Variants in RBFOX1 observed in about 807,000 individuals in gnomAD.
The protein encoded by RBFOX1 is RNA binding fox-1 homolog 1.
Under a neutral mutation model 57.7 loss-of-function variants are expected in RBFOX1, and 8 were observed. That is an observed-to-expected ratio of 0.14 (90% CI 0.08 to 0.25). The LOEUF is 0.25. Among genes scored for constraint, RBFOX1 ranks in the 10% least tolerant of loss-of-function variants. The pLI, the probability that RBFOX1 is intolerant of heterozygous loss-of-function variation, is 1.00. For synonymous variants in RBFOX1, 326 were observed against 222.4 expected, an observed-to-expected ratio of 1.47 and a Z score of -4.15; for missense variants, 611 against 548.5, an observed-to-expected ratio of 1.11 and a Z score of -1.14.
At chr16:6,431,262 A>G (rs961703897) in intron 2 of RBFOX1, among the ~76,000 whole-genome samples, 4 of 152,096 alleles carry the variant, frequency 2.6e-5, no homozygotes, top group Non-Finnish European at 4.4e-5. Flanking sequence ...GAGGGAGAAT[A>G]GAGGATCCTA....
intron 3 of RBFOX1, among the ~76,000 whole-genome samples, chr16:6,909,070 T>G (rs1481900260): frequency 6.6e-6 from 1 of 152,222 alleles, no homozygotes; most frequent in Non-Finnish European, 1.5e-5. Context: ...AGGTGTAATT[T>G]AAAACAACAC....
intron 3 of RBFOX1, among the ~76,000 whole-genome samples, chr16:6,728,218 G>C (rs983083163): frequency 2.0e-4 from 30 of 152,312 alleles, no homozygotes; most frequent in African/African-American, 7.2e-4. Context: ...ATCACCTTAA[G>C]TGAAGCTTCT....
chr16:7,381,693 A>T (rs2097784398), intron 4 of RBFOX1, among the ~76,000 whole-genome samples: 1 of 151,858 alleles, frequency 6.6e-6, no homozygotes, highest in Non-Finnish European at 1.5e-5. Flanking sequence ...CACCGTATGG[A>T]TTTGGGATTT....
chr16:6,341,140 C>T (rs2084507735), intron 2 of RBFOX1, among the ~76,000 whole-genome samples: 2 of 152,124 alleles, frequency 1.3e-5, no homozygotes, highest in Non-Finnish European at 2.9e-5. Flanking sequence ...AGTTAAAAGT[C>T]TAACATGGGT....
intron 4 of RBFOX1, among the ~76,000 whole-genome samples, chr16:5,890,077 C>G (rs951006830): frequency 2.2e-4 from 34 of 152,152 alleles, no homozygotes; most frequent in African/African-American, 7.7e-4. Context: ...TCACCACGAA[C>G]AGACTGCCAG....
rs113266044 is a variant in RBFOX1, at chr16:6,165,269, C to T, written c.-127+145277C>T. 3.4e-3 allele frequency among the ~76,000 whole-genome samples: 513 copies of T among 152,244 alleles called. 3 individuals are homozygous for T. The highest frequency in any genetic ancestry group is 0.012 in the African/African-American group (503 of 41,560). On this transcript the variant is annotated intron_variant, in intron 1 of 15. Transcript: ENST00000550418. ...AGCAAGTGCTTAATAAATGACAGCT[C>T]ATTATCATTATTGTTTTTATATTTA...
chr16:6,880,820 A>G (rs764341931), intron 3 of RBFOX1, among the ~76,000 whole-genome samples: 15 of 152,224 alleles, frequency 9.9e-5, no homozygotes, highest in African/African-American at 2.9e-4. Flanking sequence ...GAATAAATCA[A>G]TATATAAATG....
In RBFOX1 at chr16:6,904,201, A is replaced by G. The variant is rs185779498; in HGVS notation, c.-15-147856A>G. Among the ~76,000 whole-genome samples the G allele has an allele frequency of 7.9e-5, 12 of 152,340 alleles. No homozygotes were observed. The East Asian group carries it at 1.9e-3, about 25-fold the overall frequency. On this transcript the variant is annotated intron_variant, in intron 3 of 15. Coordinates refer to ENST00000550418, the MANE Select transcript of RBFOX1 (RefSeq NM_018723.4). ...GTGTATGTAAACACCATCTTAACAC[A>G]TTGCATGCACTTTTGATGCACATGT...
intron 1 of RBFOX1, among the ~76,000 whole-genome samples, chr16:5,374,788 A>G (rs190108889): frequency 2.0e-5 from 3 of 151,876 alleles, no homozygotes. Flanking sequence ...AAAACGATAT[A>G]ATATTCACAT....
intron 5 of RBFOX1, among the ~76,000 whole-genome samples, chr16:7,559,664 A>C (rs780382387): frequency 6.6e-6 from 1 of 152,172 alleles, no homozygotes; most frequent in African/African-American, 2.4e-5. Flanking sequence ...GGTAATTAAG[A>C]ATGAATTTTC....
intron 4 of RBFOX1, among the ~76,000 whole-genome samples, chr16:5,904,685 A>G (rs2058401665): frequency 6.6e-6 from 1 of 152,044 alleles, no homozygotes; most frequent in Non-Finnish European, 1.5e-5. Flanking sequence ...TCTTGAAGAG[A>G]TAATCAGATG....
At chr16:6,925,881 C>G (rs185830248) in intron 3 of RBFOX1, among the ~76,000 whole-genome samples, 2 of 152,178 alleles carry the variant, frequency 1.3e-5, no homozygotes, top group Non-Finnish European at 2.9e-5. Flanking sequence ...TTACATTTCT[C>G]TATGTAATTT....
chr16:6,077,754 T>C lies in RBFOX1; in HGVS notation c.-127+57762T>C, dbSNP rs144987680. Among the ~76,000 whole-genome samples the C allele has an allele frequency of 6.3e-3, 959 of 152,144 alleles. 28 individuals are homozygous for C. Among genetic ancestry groups the C allele is most frequent in the Admixed American group, 0.039 (597 of 15,244 alleles). The stretch of plus-strand genomic sequence containing the variant: ...TTTTTTGAGTTTGGGTCTTGCTCTG[T>C]CACCCAGGCTGGAGTACAGTGGTGC... On this transcript the variant is annotated intron_variant, in intron 1 of 15. Coordinates refer to ENST00000550418, the MANE Select transcript of RBFOX1 (RefSeq NM_018723.4).
At chr16:5,908,477 C>A (rs753285143) in intron 4 of RBFOX1, among the ~76,000 whole-genome samples, 1 of 151,696 alleles carries the variant, frequency 6.6e-6, no homozygotes, top group Non-Finnish European at 1.5e-5. Context: ...CTCAGCTTCC[C>A]AAGTAGCAGG....
At chr16:6,373,577 T>C (rs2090777795) in intron 2 of RBFOX1, among the ~76,000 whole-genome samples, 1 of 151,778 alleles carries the variant, frequency 6.6e-6, no homozygotes, top group Non-Finnish European at 1.5e-5. Context: ...AGAATGGAGA[T>C]TGGGTGGAAG....
At chr16:6,190,976 C>A (rs924225208) in intron 1 of RBFOX1, among the ~76,000 whole-genome samples, 3 of 152,048 alleles carry the variant, frequency 2.0e-5, no homozygotes, top group South Asian at 4.1e-4. Flanking sequence ...AAATCCAGAT[C>A]GGGCAGCCTC....
intron 3 of RBFOX1, among the ~76,000 whole-genome samples, chr16:6,724,784 T>C (rs964132426): frequency 6.6e-6 from 1 of 152,140 alleles, no homozygotes; most frequent in Non-Finnish European, 1.5e-5. Context: ...TGTGCAGGTT[T>C]GTTACATAAG....
chr16:6,625,831 T>A (rs2098297508), intron 2 of RBFOX1, among the ~76,000 whole-genome samples: 1 of 152,226 alleles, frequency 6.6e-6, no homozygotes, highest in African/African-American at 2.4e-5. Flanking sequence ...ATTATGTTTC[T>A]ACATTTGCAG....
intron 1 of RBFOX1, among the ~76,000 whole-genome samples, chr16:5,362,935 C>T (rs532583319): frequency 6.6e-6 from 1 of 152,072 alleles, no homozygotes; most frequent in Non-Finnish European, 1.5e-5. Flanking sequence ...TTATCCATCA[C>T]TGCACATTTA....
Sources: gnomAD v4.1 joint callset for allele counts (sites outside exome capture counted in the v4.1 genomes callset) on GRCh38, gnomAD v4.1.1 for gene constraint, MANE v1.5 for transcripts, NCBI Gene and HGNC (gene_info 2026-07-23, HGNC 2026-07-21) for gene names.